The following SAMD11 variants were observed in gnomAD, a reference collection of about 807,000 sequenced individuals.
SAMD11 encodes sterile alpha motif domain-containing protein 11.
A neutral mutation model predicts 64.4 loss-of-function variants in SAMD11; 77 were observed. The observed-to-expected ratio is 1.20, with a 90% CI of 0.99 to 1.44. The LOEUF is 1.44. Among genes scored for constraint, SAMD11 ranks in the 40% most tolerant of loss-of-function variants. SAMD11 has a pLI of 0.00. For synonymous variants in SAMD11, 658 were observed against 421.9 expected (o/e 1.56, Z -6.86); for missense variants, 1,402 against 943.3 (o/e 1.49, Z -6.37).
In SAMD11 at chr1:941,126, C is replaced by T; in HGVS notation, c.1196-18C>T. On this transcript the variant is annotated intron_variant, in intron 7 of 13. Transcript: ENST00000616016. ...GGGCGCATAGCCGGGGGGATCACTG[C>T]TGTTGTCCCCCACCCAGATCTCCTG... The T allele has an allele frequency of 1.3e-6, 2 of 1,584,364 alleles. No homozygotes were observed. The highest frequency in any genetic ancestry group is 2.0e-4 in the Middle Eastern group (1 of 5,122).
rs1056550704 is a variant in SAMD11, at chr1:944,440, CG to C, written c.*288del. 24 of 976,494 alleles carry C rather than the reference CG, an allele frequency of 2.5e-5. No homozygotes were observed. In the African/African-American group the frequency reaches 3.7e-4, roughly 15 times the overall value. The allele number at this position is 976,494 out of a possible 1,614,324, so 60.5% of individuals were successfully genotyped here. A position where few individuals can be genotyped will look rare whatever the true frequency, so the allele number is the denominator to read the frequency against. On this transcript the variant is annotated 3_prime_UTR_variant, in exon 14 of 14. Coordinates refer to ENST00000616016, the MANE Select transcript of SAMD11 (RefSeq NM_001385641.1). ...ACTGGGACTGGTCTCGGTCTGCTGACGTCAGGGTCAGCTCCCCCGCGGAGCT... is the reference window on the plus strand; with the variant it reads ...ACTGGGACTGGTCTCGGTCTGCTGACTCAGGGTCAGCTCCCCCGCGGAGCT...
chr1:933,545 C>G (rs1375634601), intron 4 of SAMD11, among the ~76,000 whole-genome samples: 1 of 103,932 alleles, frequency 9.6e-6, no homozygotes, highest in Non-Finnish European at 2.5e-5. Flanking sequence ...CTGGGGACAC[C>G]AGAGGGGGGA....
chr1:925,417 G>C (rs1640831276), intron 1 of SAMD11, among the ~76,000 whole-genome samples: 1 of 15,240 alleles, frequency 6.6e-5, no homozygotes, highest in Non-Finnish European at 0.017. Context: ...TTTGGCGCCT[G>C]CGGGCGCCTG....
chr1:938,958 C>T (rs1174736960), intron 5 of SAMD11, 82 bp from the exon 6 acceptor site: 22 of 1,224,808 alleles, frequency 1.8e-5, no homozygotes, highest in Middle Eastern at 1.9e-4. Context: ...ATGGTGGGTG[C>T]GGTCCAGGCT....
At chr1:928,051 C>G (rs1640976847) in intron 2 of SAMD11, among the ~76,000 whole-genome samples, 1 of 152,248 alleles carries the variant, frequency 6.6e-6, no homozygotes, top group African/African-American at 2.4e-5. Context: ...CTTCCCCATC[C>G]CACAGACAAG....
At position 933,036 on chromosome 1, in the gene SAMD11, C is replaced by T. The variant is rs187881375; in HGVS notation, c.842+1947C>T. On this transcript the variant is annotated intron_variant, in intron 4 of 13. Transcript: ENST00000616016. ...CCTCCCCCTCCCCCTCTCCTTCCTGCGCCTCCTGCCCCAGCCCTGACTGCT... is the reference window on the plus strand; with the variant it reads ...CCTCCCCCTCCCCCTCTCCTTCCTGTGCCTCCTGCCCCAGCCCTGACTGCT... Among the ~76,000 whole-genome samples, 172 of 152,266 alleles carry T rather than the reference C, an allele frequency of 1.1e-3. 1 individual carries two copies. Among genetic ancestry groups the T allele is most frequent in the African/African-American group, 3.2e-3 (134 of 41,546 alleles).
intron 7 of SAMD11, chr1:940,536 G>C (rs1409761873): frequency 1.3e-5 from 2 of 152,366 alleles, no homozygotes; most frequent in Non-Finnish European, 2.9e-5. Context: ...GGACTCGGGA[G>C]GCCCGGGCGG....
intron 7 of SAMD11, chr1:940,346 T>A (rs1231732072): frequency 3.7e-5 from 5 of 136,890 alleles, no homozygotes; most frequent in Admixed American, 3.2e-4. Context: ...ACCCTGTAAC[T>A]AACCCGGCCG....
chr1:944,036 G>C lies in SAMD11; in HGVS notation c.2418G>C (p.Thr806=). The part of the protein sequence containing the change: ...GTGEQPLSPT[T]ATSPYGGGHA... ...GAGAGCAGCCCTTGTCCCCCACGAC[G>C]GCCACGTCCCCCTATGGAGGGGGCC... Residue 806 remains threonine, a synonymous_variant, in exon 14 of 14, where the codon ACG becomes ACC. Transcript: ENST00000616016. 1.2e-6 allele frequency: 2 copies of C among 1,612,788 alleles called. No homozygotes were observed. Among genetic ancestry groups the C allele is most frequent in the East Asian group, 4.5e-5 (2 of 44,862 alleles).
chr1:929,668 G>A (rs1641078060), intron 2 of SAMD11, among the ~76,000 whole-genome samples: 1 of 152,238 alleles, frequency 6.6e-6, no homozygotes, highest in Non-Finnish European at 1.5e-5. Context: ...ACCAGCCCCA[G>A]GCCACAGGCA....
Position 944,062 on chromosome 1 carries a change from A to G in SAMD11, c.2444A>G (p.His815Arg). The change falls in exon 14 of 14, where the codon CAC (histidine) becomes CGC (arginine). Residue 815 changes from histidine to arginine, a missense_variant. Coordinates refer to ENST00000616016, the MANE Select transcript of SAMD11 (RefSeq NM_001385641.1). The part of the protein sequence containing the change: ...TTATSPYGGG[H>R]ALAGQTSPKQ... ...GCCACGTCCCCCTATGGAGGGGGCC[A>G]CGCCCTTGCCGGTCAAACTTCACCC... 1.9e-6 allele frequency: 3 copies of G among 1,612,708 alleles called. No individual in the cohort carries two copies. The highest frequency in any genetic ancestry group is 2.2e-5 in the East Asian group (1 of 44,856).
At chr1:935,979 T>A (rs898611128) in intron 5 of SAMD11, 83 bp downstream of exon 5, 3 of 1,449,026 alleles carry the variant, frequency 2.1e-6, no homozygotes, top group Non-Finnish European at 2.8e-6. Context: ...ACCAGCAGCC[T>A]TGGCAGGCAG....
intron 4 of SAMD11, among the ~76,000 whole-genome samples, chr1:932,954 G>A (rs1641237910): frequency 6.6e-6 from 1 of 152,226 alleles, no homozygotes; most frequent in Non-Finnish European, 1.5e-5. Flanking sequence ...CATCAATGAG[G>A]GGCGGTGGCG....
At chr1:930,443 C>A in intron 3 of SAMD11, 107 bp downstream of exon 3, 1 of 1,231,248 alleles carries the variant, frequency 8.1e-7, no homozygotes. Flanking sequence ...CCCACACCTT[C>A]CCTCAGATGC....
intron 1 of SAMD11, 61 bp from the exon 2 acceptor site, chr1:925,861 C>G (rs772250476): frequency 2.4e-6 from 3 of 1,266,014 alleles, no homozygotes; most frequent in East Asian, 2.3e-5. Flanking sequence ...CTGGCCCTGC[C>G]GCTGACTGCG....
rs372029636 is a variant in SAMD11, at chr1:938,266, T to C, written c.968-774T>C. Among the ~76,000 whole-genome samples, 94 of 150,886 alleles carry C rather than the reference T, an allele frequency of 6.2e-4. No homozygotes were observed. The East Asian group carries it at 0.014, about 22-fold the overall frequency. ...CCTCTGCCACCTGCTGGGCTGTGTT[T>C]GGGGCTGAAGCTGGACCTGGCCTGG... is the stretch of plus-strand genomic sequence containing the variant. On this transcript the variant is annotated intron_variant, in intron 5 of 13. Transcript: ENST00000616016.
rs754946907 is a variant in SAMD11 at position 941,260 on chromosome 1, C to T, written c.1312C>T (p.His438Tyr). 1.2e-6 allele frequency: 2 copies of T among 1,600,782 alleles called. No homozygotes were observed. Among genetic ancestry groups the T allele is most frequent in the Admixed American group, 3.4e-5 (2 of 58,878 alleles). ...GQRRKQGLAQ[H>Y]REGAAPAAAP... ...GCGTCGGAAGCAGGGCCTGGCTCAG[C>T]ACCGGGAGGGCGCCGCCCCAGCTGC... The change falls in exon 8 of 14, where the codon CAC becomes TAC. Residue 438 changes from histidine to tyrosine, a missense_variant. Physicochemically the swap from His to Tyr is moderately conservative, Grantham distance 83. Transcript: ENST00000616016.
chr1:942,231 C>T lies in SAMD11; in HGVS notation c.1454C>T (p.Ser485Leu), dbSNP rs1005042443. 33 of 1,340,472 alleles carry T rather than the reference C, an allele frequency of 2.5e-5. No individual in the cohort carries two copies. Among genetic ancestry groups the T allele is most frequent in the African/African-American group, 4.6e-5 (3 of 65,736 alleles). 83.0% of individuals were successfully genotyped at this position (1,340,472 alleles called of 1,614,324 possible). The change falls in exon 9 of 14, where the codon TCG becomes TTG. Residue 485 changes from serine (S) to leucine (L), a missense_variant. Ser to Leu is a moderately radical substitution (Grantham distance 145, BLOSUM62 -2). Transcript: ENST00000616016. ...HLRPPFLGVP[S>L]ALCQTPGYGF... ...AGGCCCCCCTTCCTGGGGGTGCCCT[C>T]GGCTCTGTGCCAGACCCCAGGTGAG...
chr1:929,512 G>A (rs1366551305), intron 2 of SAMD11, among the ~76,000 whole-genome samples: 3 of 152,256 alleles, frequency 2.0e-5, no homozygotes, highest in Non-Finnish European at 4.4e-5. Context: ...GCTGTGCGTG[G>A]CGCTGATGAA....
Sources: gnomAD v4.1 joint callset for allele counts (sites outside exome capture counted in the v4.1 genomes callset) on GRCh38, gnomAD v4.1.1 for gene constraint, MANE v1.5 for transcripts, NCBI Gene and HGNC (gene_info 2026-07-23, HGNC 2026-07-21) for gene names.